The following TPRG1 variants were observed in gnomAD, a reference collection of about 807,000 sequenced individuals.
TPRG1 encodes the protein tumor protein p63 regulated 1, also known as tumor protein p63-regulated gene 1 protein.
Under a neutral mutation model 29.3 loss-of-function variants are expected in TPRG1, and 29 were observed. That is an observed-to-expected ratio of 0.99 (90% confidence interval 0.74 to 1.35). TPRG1 has a LOEUF of 1.35. TPRG1 is among the 40% of genes most tolerant of loss of function. The pLI is 0.00. For missense variants in TPRG1, 327 were observed against 335.0 expected, an observed-to-expected ratio of 0.98 and a Z score of 0.19; for synonymous variants, 130 against 116.8, an observed-to-expected ratio of 1.11 and a Z score of -0.73.
intron 3 of TPRG1, among the ~76,000 whole-genome samples, chr3:189,146,285 A>G (rs1725253890): frequency 6.6e-6 from 1 of 152,186 alleles, no homozygotes; most frequent in African/African-American, 2.4e-5. Context: ...AAGGATAAAG[A>G]TGTGACCTCC....
At chr3:189,179,520 G>A (rs1197798277) in intron 1 of TPRG1, among the ~76,000 whole-genome samples, 6 of 152,282 alleles carry the variant, frequency 3.9e-5, no homozygotes, top group African/African-American at 1.4e-4. Flanking sequence ...ACTTTCTGCA[G>A]TTGCATTGAG....
chr3:189,315,323 G>T lies in TPRG1; in HGVS notation c.633+4784G>T, dbSNP rs893089781. The stretch of plus-strand genomic sequence containing the variant: ...GTGTGTGTGTGTGTGTGTAAGGGGG[G>T]GTGAGAAAGAGAGAGACTGTGTGTA... On this transcript the variant is annotated intron_variant, in intron 5 of 5. Transcript: ENST00000345063. Among the ~76,000 whole-genome samples the T allele has an allele frequency of 6.6e-5, 10 of 150,916 alleles. No homozygotes were observed. The South Asian group carries it at 1.0e-3, about 16-fold the overall frequency.
intron 4 of TPRG1, among the ~76,000 whole-genome samples, chr3:189,275,484 C>A (rs959320607): frequency 6.6e-6 from 1 of 151,922 alleles, no homozygotes; most frequent in Non-Finnish European, 1.5e-5. Context: ...TAAGACGAGA[C>A]CTTTGGAAGA....
rs200878224 is a variant in TPRG1, at chr3:189,051,913, T to A, written c.-463+27967T>A. ...CCACATGTAGGAGAATGAAACTGGATCCTCATCTCTCACCTTGTACAAAAA... is the reference window on the plus strand; with the variant it reads ...CCACATGTAGGAGAATGAAACTGGAACCTCATCTCTCACCTTGTACAAAAA... On this transcript the variant is annotated intron_variant, in intron 4 of 10. Transcript: ENST00000433971. Among the ~76,000 whole-genome samples the A allele has an allele frequency of 4.6e-5, 7 of 152,184 alleles. No homozygotes were observed. The East Asian group carries it at 1.4e-3, about 29-fold the overall frequency.
At chr3:189,071,357 T>C (rs1030272994) in intron 4 of TPRG1, among the ~76,000 whole-genome samples, 1 of 152,208 alleles carries the variant, frequency 6.6e-6, no homozygotes, top group Non-Finnish European at 1.5e-5. Flanking sequence ...ATTAAAGAGA[T>C]CCTTATAAAT....
At chr3:189,117,559 C>T (rs1360045679) in intron 1 of TPRG1, among the ~76,000 whole-genome samples, 1 of 152,134 alleles carries the variant, frequency 6.6e-6, no homozygotes, top group African/African-American at 2.4e-5. Flanking sequence ...GTGTCCTCAC[C>T]CAAATCTCAT....
chr3:189,320,859 T>C lies in TPRG1; in HGVS notation c.*39T>C, dbSNP rs1055152. 0.41 allele frequency: 597,026 copies of C among 1,442,406 alleles called. 133,570 individuals carry two copies. The highest frequency in any genetic ancestry group is 0.82 in the African/African-American group (56,424 of 69,024). The allele number at this position is 1,442,406 out of a possible 1,614,324, so 89.4% of individuals were successfully genotyped here. A position where few individuals can be genotyped will look rare whatever the true frequency, so the allele number is the denominator to read the frequency against. ...ACCATAAGCATATCATCCACAGATA[T>C]GTCACTTTGAAAATTCCAGTTTGAC... On this transcript the variant is annotated 3_prime_UTR_variant, in exon 6 of 6. Transcript: ENST00000345063.
Position 189,231,943 on chromosome 3 carries a change from T to TTGTGTGTG in TPRG1, c.303-6766_303-6759dup, listed in dbSNP as rs10576562. On this transcript the variant is annotated intron_variant, in intron 3 of 5. Coordinates refer to ENST00000345063, the MANE Select transcript of TPRG1 (RefSeq NM_198485.4). ...AAATTTCAGAAGCTTCAAACCTGGTTTGTGTGTGTGTGTGTGTGTGTGTGT... is the reference window on the plus strand; with the variant it reads ...AAATTTCAGAAGCTTCAAACCTGGTTTGTGTGTGTGTGTGTGTGTGTGTGTGTGTGTGT... Among the ~76,000 whole-genome samples the TTGTGTGTG allele has an allele frequency of 8.4e-3, 1,239 of 147,688 alleles. 23 individuals carry two copies. The highest frequency in any genetic ancestry group is 0.028 in the African/African-American group (1,149 of 40,426).
At chr3:189,232,480 T>G (rs953242913) in intron 3 of TPRG1, among the ~76,000 whole-genome samples, 5 of 152,202 alleles carry the variant, frequency 3.3e-5, no homozygotes, top group Admixed American at 3.3e-4. Flanking sequence ...GGGACCTGAG[T>G]TCAGCTTCTG....
chr3:189,082,119 G>A (rs1335067220), intron 4 of TPRG1, among the ~76,000 whole-genome samples: 1 of 152,212 alleles, frequency 6.6e-6, no homozygotes, highest in Admixed American at 6.5e-5. Flanking sequence ...AGTGGCTAGT[G>A]ATAAGAGAGG....
At chr3:189,225,945 A>G (rs1274666861) in intron 3 of TPRG1, among the ~76,000 whole-genome samples, 5 of 152,242 alleles carry the variant, frequency 3.3e-5, no homozygotes, top group Admixed American at 3.3e-4. Flanking sequence ...ACAATCCACC[A>G]AGAAGATACA....
chr3:189,315,473 G>A (rs536305930), intron 5 of TPRG1: 9 of 452,320 alleles, frequency 2.0e-5, no homozygotes, highest in Non-Finnish European at 2.7e-5. Flanking sequence ...TTTAACCATC[G>A]CTTTGCTGGG....
At chr3:189,027,262 T>C (rs1713711618) in intron 4 of TPRG1, among the ~76,000 whole-genome samples, 1 of 152,192 alleles carries the variant, frequency 6.6e-6, no homozygotes, top group Non-Finnish European at 1.5e-5. Context: ...AGATTTTCAC[T>C]CAGCCTGCCT....
At chr3:189,057,003 G>A (rs1578257372) in intron 4 of TPRG1, among the ~76,000 whole-genome samples, 1 of 152,262 alleles carries the variant, frequency 6.6e-6, no homozygotes, top group East Asian at 1.9e-4. Context: ...GATAATTTCT[G>A]AAGTGTAAAA....
Position 189,103,307 on chromosome 3 carries a change from C to T in TPRG1, c.-744+3103C>T, listed in dbSNP as rs535733899. Among the ~76,000 whole-genome samples the T allele has an allele frequency of 2.2e-3, 336 of 152,292 alleles. 1 individual carries two copies. Among genetic ancestry groups the T allele is most frequent in the South Asian group, 8.7e-3 (42 of 4,828 alleles). ...GTATCCCCCAAAGCTAAAATATTTA[C>T]TATTTGACCTTTTGCAGAAAATGTT... is the stretch of plus-strand genomic sequence containing the variant. On this transcript the variant is annotated intron_variant, in intron 1 of 6. Transcript: ENST00000412373.
intron 4 of TPRG1, among the ~76,000 whole-genome samples, chr3:189,252,516 C>A (rs1030323371): frequency 5.5e-4 from 83 of 152,104 alleles, no homozygotes; most frequent in African/African-American, 2.0e-3. Flanking sequence ...TAATTAAAAA[C>A]CAATTTCCAT....
chr3:189,022,984 G>C (rs1466436893), intron 3 of TPRG1, among the ~76,000 whole-genome samples: 8 of 151,768 alleles, frequency 5.3e-5, no homozygotes, highest in Non-Finnish European at 1.2e-4. Flanking sequence ...GGAGCGACCC[G>C]ATTTTCCAGG....
chr3:189,281,633 T>A (rs959704285), intron 4 of TPRG1, among the ~76,000 whole-genome samples: 2 of 152,144 alleles, frequency 1.3e-5, no homozygotes, highest in African/African-American at 4.8e-5. Context: ...TATAAAATCA[T>A]AATATAAGAA....
chr3:189,129,921 G>T (rs1299438163), intron 2 of TPRG1, among the ~76,000 whole-genome samples: 1 of 152,128 alleles, frequency 6.6e-6, no homozygotes, highest in African/African-American at 2.4e-5. Context: ...GTGAAGGAAA[G>T]AGAAATGCAC....
Sources: gnomAD v4.1 joint callset for allele counts (sites outside exome capture counted in the v4.1 genomes callset) on GRCh38, gnomAD v4.1.1 for gene constraint, MANE v1.5 for transcripts, NCBI Gene and HGNC (gene_info 2026-07-23, HGNC 2026-07-21) for gene names.